Variants in MYH15 observed in about 807,000 individuals in gnomAD.
MYH15 encodes myosin-15.
Under a neutral mutation model 240.5 loss-of-function variants are expected in MYH15, and 227 were observed. That is an observed-to-expected ratio of 0.94 (90% CI 0.85 to 1.05). The LOEUF (loss-of-function observed/expected upper bound fraction) is 1.05. Ranked by LOEUF, MYH15 falls within the 50% of genes least tolerant of loss-of-function variation. The pLI is 0.00. For synonymous variants in MYH15, 785 were observed against 796.7 expected (o/e 0.99, Z 0.25); for missense variants, 2,217 against 2,247.5 (o/e 0.99, Z 0.27).
chr3:108,393,414 C>T (rs920845807), intron 36 of MYH15, among the ~76,000 whole-genome samples: 1 of 152,236 alleles, frequency 6.6e-6, no homozygotes, highest in African/African-American at 2.4e-5. Flanking sequence ...AGAAGTGCTG[C>T]ATCTGCCCAC....
Position 108,414,432 on chromosome 3 carries a change from T to C in MYH15, c.3949-4A>G. 1 of 1,611,264 alleles carries C rather than the reference T, an allele frequency of 6.2e-7. No individual in the cohort carries two copies. Among genetic ancestry groups the C allele is most frequent in the Non-Finnish European group, 8.5e-7 (1 of 1,178,448 alleles). On this transcript the variant is annotated splice_region_variant and splice_polypyrimidine_tract_variant and intron_variant, in intron 29 of 40. Coordinates refer to ENST00000693548, the MANE Select transcript of MYH15 (RefSeq NM_014981.3). The stretch of plus-strand genomic sequence containing the variant: ...CATGGGCCAGGGCACTCTGGGACTG[T>C]AGGGGACACACATTAACAAAAAGGT...
At chr3:108,442,644 G>A (rs551078704) in intron 22 of MYH15, among the ~76,000 whole-genome samples, 92 of 152,052 alleles carry the variant, frequency 6.1e-4, no homozygotes, top group Non-Finnish European at 1.1e-3. Context: ...GCAATGGTGT[G>A]GCAGTTTAGC....
rs527555393 is a variant in MYH15 at position 108,444,565 on chromosome 3, G to T, written c.2655+75C>A. 2.4e-5 allele frequency: 36 copies of T among 1,510,582 alleles called. No homozygotes were observed. In the Admixed American group the frequency reaches 3.5e-4, roughly 15 times the overall value. 93.6% of individuals were successfully genotyped at this position (1,510,582 alleles called of 1,614,324 possible). ...CACATGCATCTATTTTTTTGTTTCCGTGTCAACACTGCCTGCTTAACAAGG... is the reference window on the plus strand; with the variant it reads ...CACATGCATCTATTTTTTTGTTTCCTTGTCAACACTGCCTGCTTAACAAGG... On this transcript the variant is annotated intron_variant, in intron 22 of 40. Coordinates refer to ENST00000693548, the MANE Select transcript of MYH15 (RefSeq NM_014981.3).
chr3:108,410,961 G>T, intron 30 of MYH15, 29 bp from the exon 31 acceptor site: 1 of 1,533,738 alleles, frequency 6.5e-7, no homozygotes, highest in Non-Finnish European at 8.9e-7. Flanking sequence ...CAAAGAGTGA[G>T]TGAGGCAATA....
intron 12 of MYH15, among the ~76,000 whole-genome samples, chr3:108,474,127 A>T (rs905656961): frequency 6.6e-5 from 10 of 151,940 alleles, no homozygotes; most frequent in Non-Finnish European, 1.5e-4. Context: ...CGTTGCAAAA[A>T]TTTTTCCCAT....
At chr3:108,445,487 T>C (rs1362689406) in intron 21 of MYH15, among the ~76,000 whole-genome samples, 1 of 151,972 alleles carries the variant, frequency 6.6e-6, no homozygotes, top group Non-Finnish European at 1.5e-5. Flanking sequence ...GCCTGAATGA[T>C]ACACAAATAT....
intron 36 of MYH15, 112 bp from the exon 37 acceptor site, chr3:108,392,042 T>C: frequency 8.7e-7 from 1 of 1,155,442 alleles, no homozygotes; most frequent in South Asian, 1.5e-5. Context: ...TGCCTCTATG[T>C]ATGTGATCTC....
At chr3:108,542,311 ATT>A in the MYH15 span, among the ~76,000 whole-genome samples, 1 of 152,162 alleles carries the variant, frequency 6.6e-6, no homozygotes, top group Non-Finnish European at 1.5e-5. Context: ...TTCTATATGA[ATT>A]TTGACAAAAT....
chr3:108,505,853 ATGG>A, intron 1 of MYH15, 24 bp from the exon 2 acceptor site: 2 of 1,263,236 alleles, frequency 1.6e-6, no homozygotes, highest in Non-Finnish European at 2.3e-6. Flanking sequence ...AAAAAAAAAA[ATGG>A]ATTATAGCTA....
chr3:108,456,938 C>A lies in MYH15; in HGVS notation c.2021-55G>T, dbSNP rs1462861427. 2.0e-5 allele frequency: 26 copies of A among 1,328,740 alleles called. No individual in the cohort carries two copies. In the East Asian group the frequency reaches 5.8e-4, roughly 30 times the overall value. The allele number at this position is 1,328,740 out of a possible 1,614,324, so 82.3% of individuals were successfully genotyped here. A position where few individuals can be genotyped will look rare whatever the true frequency, so the allele number is the denominator to read the frequency against. ...TGTGCCTGAAAAAAAATTATTGGGA[C>A]AGATTTTGAACCAATTGCTGCATCT... On this transcript the variant is annotated intron_variant, in intron 18 of 40. Transcript: ENST00000693548.
At chr3:108,528,542 A>G (rs1244705857) in intron 1 of MYH15, among the ~76,000 whole-genome samples, 1 of 152,194 alleles carries the variant, frequency 6.6e-6, no homozygotes, top group African/African-American at 2.4e-5. Context: ...AAAAGCCATG[A>G]CCTAATTTAG....
Position 108,505,785 on chromosome 3 carries a change from C to T in MYH15, c.133G>A (p.Glu45Lys), listed in dbSNP as rs963614768. The T allele has an allele frequency of 1.1e-5, 17 of 1,611,616 alleles. No individual in the cohort carries two copies. Among genetic ancestry groups the T allele is most frequent in the African/African-American group, 9.5e-5 (7 of 74,074 alleles). The change falls in exon 2 of 41, where the codon GAG becomes AAG. Residue 45 changes from glutamate (E) to lysine (K), a missense_variant. Coordinates refer to ENST00000693548, the MANE Select transcript of MYH15 (RefSeq NM_014981.3). ...WIPDGENAYI[E>K]AEVKGSEDDG... ...TCTTCACTCCCTTTTACCTCAGCCTCGATATAAGCATTCTCACCATCAGGA... is the reference window on the plus strand; with the variant it reads ...TCTTCACTCCCTTTTACCTCAGCCTTGATATAAGCATTCTCACCATCAGGA...
intron 40 of MYH15, among the ~76,000 whole-genome samples, chr3:108,382,543 A>G (rs2082351195): frequency 6.6e-6 from 1 of 152,184 alleles, no homozygotes; most frequent in Non-Finnish European, 1.5e-5. Context: ...GATGATTTTA[A>G]AAAGCACAGA....
intron 11 of MYH15, among the ~76,000 whole-genome samples, chr3:108,476,943 T>G (rs571065964): frequency 3.3e-5 from 5 of 152,120 alleles, no homozygotes; most frequent in African/African-American, 1.2e-4. Flanking sequence ...ATAGAGTTAC[T>G]ATGGAACCCA....
chr3:108,430,877 C>T lies in MYH15; in HGVS notation c.3267G>A (p.Glu1089=), dbSNP rs2082772994. The T allele has an allele frequency of 6.2e-7, 1 of 1,612,486 alleles. No homozygotes were observed. Among genetic ancestry groups the T allele is most frequent in the Admixed American group, 1.7e-5 (1 of 59,994 alleles). The stretch of plus-strand genomic sequence containing the variant: ...TCTGAAGCTGAGCTACCAGGCCTTT[C>T]TCATTCTCCACTTTTGAATTCATCT... ...LSQMNSKVEN[E]KGLVAQLQKT... is the part of the protein sequence containing the mutation. Residue 1089 remains glutamate (E), a synonymous_variant, in exon 26 of 41, where the codon GAG becomes GAA. Coordinates refer to ENST00000693548, the MANE Select transcript of MYH15 (RefSeq NM_014981.3).
chr3:108,408,074 C>T (rs1394291760), intron 32 of MYH15, among the ~76,000 whole-genome samples: 1 of 152,208 alleles, frequency 6.6e-6, no homozygotes, highest in Non-Finnish European at 1.5e-5. Flanking sequence ...GTATCCTGCT[C>T]TCTGAGTCTC....
Position 108,421,218 on chromosome 3 carries a change from T to A in MYH15, c.3703-4A>T, listed in dbSNP as rs371507975. 2.5e-6 allele frequency: 4 copies of A among 1,610,858 alleles called. No homozygotes were observed. The highest frequency in any genetic ancestry group is 3.4e-6 in the Non-Finnish European group (4 of 1,179,590). Reference sequence around the variant, plus strand: ...TACAGAGTTTCTCAGCATTTGCCTATAAGTTGAGAAAGAAGGGCTGGTCAG... The same window carrying A: ...TACAGAGTTTCTCAGCATTTGCCTAAAAGTTGAGAAAGAAGGGCTGGTCAG... On this transcript the variant is annotated splice_polypyrimidine_tract_variant and splice_region_variant and intron_variant, in intron 27 of 40. Transcript: ENST00000693548.
At position 108,449,432 on chromosome 3, in the gene MYH15, A is replaced by G. The variant is rs143073616; in HGVS notation, c.2400-4537T>C. 2.0e-3 allele frequency among the ~76,000 whole-genome samples: 307 copies of G among 152,184 alleles called. 2 individuals carry two copies. Among genetic ancestry groups the G allele is most frequent in the African/African-American group, 7.2e-3 (298 of 41,566 alleles). ...GATCAGAGAACCCAGAAATCAATCT[A>G]TGCATTTATGGTTAATTGATCTTCA... On this transcript the variant is annotated intron_variant, in intron 21 of 40. Coordinates refer to ENST00000693548, the MANE Select transcript of MYH15 (RefSeq NM_014981.3).
At chr3:108,515,110 T>G (rs1032591723), upstream of MYH15, among the ~76,000 whole-genome samples, 1 of 152,226 alleles carries the variant, frequency 6.6e-6, no homozygotes, top group African/African-American at 2.4e-5. Context: ...CAAGTAGCCA[T>G]GTCTGTAAGG....
Sources: gnomAD v4.1 joint callset for allele counts (sites outside exome capture counted in the v4.1 genomes callset) on GRCh38, gnomAD v4.1.1 for gene constraint, MANE v1.5 for transcripts, NCBI Gene and HGNC (gene_info 2026-07-23, HGNC 2026-07-21) for gene names.